GPC5: variants seen among roughly 807,000 people sequenced by gnomAD.
GPC5 encodes the protein glypican 5, also known as glypican-5.
GPC5 carries 47 observed loss-of-function variants against 53.9 expected under a neutral mutation model. That is an observed-to-expected ratio of 0.87 (90% confidence interval 0.69 to 1.11). The LOEUF is 1.11. Ranked by LOEUF, GPC5 falls within the 50% of genes most tolerant of loss-of-function variation. GPC5 has a pLI of 0.00. For missense variants in GPC5, 748 were observed against 713.1 expected, an observed-to-expected ratio of 1.05 and a Z score of -0.56; for synonymous variants, 286 against 263.3, an observed-to-expected ratio of 1.09 and a Z score of -0.84.
chr13:92,204,370 T>C (rs1421004668), intron 7 of GPC5, among the ~76,000 whole-genome samples: 1 of 152,176 alleles, frequency 6.6e-6, no homozygotes, highest in East Asian at 1.9e-4. Context: ...CTAAGACCCT[T>C]GCAATGTCTG....
At chr13:92,797,158 A>G (rs1486050406) in intron 7 of GPC5, among the ~76,000 whole-genome samples, 1 of 151,984 alleles carries the variant, frequency 6.6e-6, no homozygotes, top group Admixed American at 6.6e-5. Context: ...AATTGTATAA[A>G]GCTTTTCCAT....
At chr13:92,024,787 A>G (rs1037388958) in intron 6 of GPC5, among the ~76,000 whole-genome samples, 1 of 152,196 alleles carries the variant, frequency 6.6e-6, no homozygotes, top group African/African-American at 2.4e-5. Flanking sequence ...CTGCTGTAAT[A>G]CACATAAATC....
At chr13:92,624,050 C>T (rs1045382664) in intron 7 of GPC5, among the ~76,000 whole-genome samples, 9 of 148,602 alleles carry the variant, frequency 6.1e-5, no homozygotes, top group Admixed American at 4.8e-4. Context: ...TTAGTAGAGA[C>T]GGCGTTTCCC....
intron 7 of GPC5, among the ~76,000 whole-genome samples, chr13:92,403,887 C>T (rs1875672101): frequency 6.6e-6 from 1 of 152,040 alleles, no homozygotes; most frequent in Admixed American, 6.5e-5. Context: ...TCAAAAGAAA[C>T]AAACACAAAT....
chr13:92,199,875 G>A (rs772239983), intron 7 of GPC5, among the ~76,000 whole-genome samples: 11 of 152,226 alleles, frequency 7.2e-5, no homozygotes, highest in South Asian at 2.1e-4. Context: ...ATAACATCGT[G>A]TCTCAGGAAT....
intron 5 of GPC5, among the ~76,000 whole-genome samples, chr13:91,824,886 G>T (rs11838400): frequency 0.013 from 1,948 of 152,044 alleles, 40 homozygotes; most frequent in African/African-American, 0.045. Flanking sequence ...TAGATATTCT[G>T]CATGAAATAT....
At chr13:92,508,308 C>T (rs1050774490) in intron 7 of GPC5, among the ~76,000 whole-genome samples, 1 of 152,056 alleles carries the variant, frequency 6.6e-6, no homozygotes, top group African/African-American at 2.4e-5. Context: ...TTGTAAATCA[C>T]CCAAATATAT....
chr13:91,618,971 A>G (rs527565710), intron 2 of GPC5, among the ~76,000 whole-genome samples: 1 of 152,130 alleles, frequency 6.6e-6, no homozygotes, highest in Non-Finnish European at 1.5e-5. Context: ...TACTACTACT[A>G]TAGCACTACT....
In GPC5 at chr13:92,741,318, G is replaced by A. The variant is rs556760204; in HGVS notation, c.1562-124964G>A. On this transcript the variant is annotated intron_variant, in intron 7 of 7. Transcript: ENST00000377067. ...GTTGCTTTATAAGTCAAGGAAGAGA[G>A]AATTGAGCAATCACATTAATGTATT... Among the ~76,000 whole-genome samples the A allele has an allele frequency of 1.2e-4, 18 of 151,930 alleles. No individual in the cohort carries two copies. The East Asian group carries it at 3.3e-3, about 28-fold the overall frequency.
intron 7 of GPC5, among the ~76,000 whole-genome samples, chr13:92,380,650 T>C (rs1341939367): frequency 6.6e-6 from 1 of 150,870 alleles, no homozygotes; most frequent in Non-Finnish European, 1.5e-5. Flanking sequence ...TGGATGAAAT[T>C]GGAAATCATC....
chr13:92,374,604 C>T (rs1204948149), intron 7 of GPC5, among the ~76,000 whole-genome samples: 1 of 148,502 alleles, frequency 6.7e-6, no homozygotes, highest in East Asian at 2.0e-4. Context: ...ATCGCAAGAA[C>T]ACAAAACCAA....
chr13:92,304,185 G>T (rs926498669), intron 7 of GPC5, among the ~76,000 whole-genome samples: 3 of 151,234 alleles, frequency 2.0e-5, no homozygotes, highest in African/African-American at 7.3e-5. Flanking sequence ...GCAAGGCTTT[G>T]ATATGACCAT....
intron 7 of GPC5, among the ~76,000 whole-genome samples, chr13:92,457,374 G>A (rs1370096788): frequency 2.0e-5 from 3 of 151,940 alleles, no homozygotes; most frequent in African/African-American, 7.3e-5. Context: ...AAAATGTTTA[G>A]CATTATCCTT....
At chr13:92,147,993 A>G (rs1395129978) in intron 7 of GPC5, among the ~76,000 whole-genome samples, 1 of 152,128 alleles carries the variant, frequency 6.6e-6, no homozygotes, top group East Asian at 1.9e-4. Context: ...TGTGATCTAA[A>G]AAGTTTAACA....
At chr13:92,436,432 A>G (rs540909989) in intron 7 of GPC5, among the ~76,000 whole-genome samples, 7 of 152,288 alleles carry the variant, frequency 4.6e-5, no homozygotes, top group Non-Finnish European at 8.8e-5. Flanking sequence ...GCTGGCATCC[A>G]TGAAACTGTG....
chr13:91,726,645 TC>T (rs1369416620), intron 3 of GPC5, among the ~76,000 whole-genome samples: 1 of 152,172 alleles, frequency 6.6e-6, no homozygotes, highest in African/African-American at 2.4e-5. Context: ...TTGCCCATCA[TC>T]ACTGTTCTTT....
chr13:91,931,688 T>G (rs1397958219), intron 6 of GPC5, among the ~76,000 whole-genome samples: 1 of 152,032 alleles, frequency 6.6e-6, no homozygotes, highest in Admixed American at 6.6e-5. Context: ...TGACACGCAT[T>G]GCACATAACC....
At chr13:92,474,491 G>A (rs1879027413) in intron 7 of GPC5, among the ~76,000 whole-genome samples, 1 of 151,930 alleles carries the variant, frequency 6.6e-6, no homozygotes, top group Non-Finnish European at 1.5e-5. Flanking sequence ...TACTGAGCAA[G>A]GTCATCCCAT....
chr13:91,904,325 C>T (rs1160754192), intron 5 of GPC5, among the ~76,000 whole-genome samples: 1 of 151,430 alleles, frequency 6.6e-6, no homozygotes, highest in Non-Finnish European at 1.5e-5. Context: ...AAGGCTCATG[C>T]CATCACACCT....
Sources: allele counts gnomAD v4.1 joint callset (sites outside exome capture counted in the v4.1 genomes callset), GRCh38; gene constraint gnomAD v4.1.1; transcripts MANE v1.5; gene names NCBI Gene and HGNC (gene_info 2026-07-23, HGNC 2026-07-21).